The following AGAP1 variants were observed in gnomAD, a reference collection of about 807,000 sequenced individuals.
AGAP1 encodes arf-GAP with GTPase, ANK repeat and PH domain-containing protein 1.
Under a neutral mutation model 105.3 loss-of-function variants are expected in AGAP1, and 29 were observed. That is an observed-to-expected ratio of 0.28 (90% CI 0.21 to 0.38). The LOEUF (loss-of-function observed/expected upper bound fraction) is 0.38, where lower values mean the gene tolerates loss of function less well. AGAP1 is among the 10% of genes least tolerant of loss of function. The probability of loss-of-function intolerance (pLI) is 1.00; values close to 1 mark genes in which losing one functional copy is unlikely to be tolerated. For synonymous variants in AGAP1, 509 were observed against 485.9 expected (o/e 1.05, Z -0.63); for missense variants, 998 against 1,165.1 (o/e 0.86, Z 2.09).
rs1209011420 is a variant in AGAP1 at position 236,012,462 on chromosome 2, G to A, written c.1646-24099G>A. ...AAAAATTAAGCCCATGCCTAATTCT[G>A]CATCATCATGCCTGGGGCCCCTGGT... is the stretch of plus-strand genomic sequence containing the variant. On this transcript the variant is annotated intron_variant, in intron 13 of 17. Transcript: ENST00000304032. The surrounding 1 kb of genome is among the most constrained non-coding windows in gnomAD (Gnocchi z 4.9). Among the ~76,000 whole-genome samples the A allele has an allele frequency of 2.6e-5, 4 of 152,104 alleles. No individual in the cohort carries two copies. The highest frequency in any genetic ancestry group is 5.9e-5 in the Non-Finnish European group (4 of 68,022).
At chr2:235,679,402 G>A (rs185035725) in intron 1 of AGAP1, among the ~76,000 whole-genome samples, 121 of 152,256 alleles carry the variant, frequency 7.9e-4, no homozygotes, top group African/African-American at 2.7e-3. Context: ...ATATCCCGAA[G>A]CTCCAAGTAT....
chr2:236,036,855 ATAAC>A lies in AGAP1; in HGVS notation c.1800+144_1800+147del. ...CTATTCTTTATGAGCAGAAAGCTCA[ATAAC>A]TAAAACGATCAGAAGCACTTTGTGT... On this transcript the variant is annotated intron_variant, in intron 14 of 17. Transcript: ENST00000304032. The surrounding 1 kb of genome is among the most constrained non-coding windows in gnomAD (Gnocchi z 5.7). 7.5e-7 allele frequency: 1 copy of A among 1,334,784 alleles called. No individual in the cohort carries two copies. The highest frequency in any genetic ancestry group is 1.9e-4 in the Middle Eastern group (1 of 5,174). 82.7% of individuals were successfully genotyped at this position (1,334,784 alleles called of 1,614,324 possible).
At position 235,710,772 on chromosome 2, in the gene AGAP1, C is replaced by T. The variant is rs149548898; in HGVS notation, c.222+1535C>T. Among the ~76,000 whole-genome samples, 8 of 152,274 alleles carry T rather than the reference C, an allele frequency of 5.3e-5. No individual in the cohort carries two copies. The East Asian group carries it at 1.4e-3, about 26-fold the overall frequency. The stretch of plus-strand genomic sequence containing the variant: ...CCAGGAGATTCTCAGAACAATCCCG[C>T]AGTTTCCGTTACTTCCTGTTAAGAC... On this transcript the variant is annotated intron_variant, in intron 2 of 17. Coordinates refer to ENST00000304032, the MANE Select transcript of AGAP1 (RefSeq NM_001037131.3).
intron 1 of AGAP1, among the ~76,000 whole-genome samples, chr2:235,575,902 A>G (rs1371061490): frequency 2.6e-5 from 4 of 152,166 alleles, no homozygotes; most frequent in African/African-American, 9.7e-5. Flanking sequence ...CAGATAAGAC[A>G]TTCCCTTCTG....
chr2:235,698,411 A>G (rs1950098920), intron 1 of AGAP1, among the ~76,000 whole-genome samples: 1 of 152,162 alleles, frequency 6.6e-6, no homozygotes, highest in African/African-American at 2.4e-5. Flanking sequence ...AGTAAGACAA[A>G]TAGCTGTCTA....
At position 235,977,507 on chromosome 2, in the gene AGAP1, A is replaced by G. The variant is rs893972807; in HGVS notation, c.1645+8884A>G. 2.0e-4 allele frequency among the ~76,000 whole-genome samples: 30 copies of G among 152,194 alleles called. No homozygotes were observed. The highest frequency in any genetic ancestry group is 7.0e-4 in the African/African-American group (29 of 41,452). ...AGATTGAAATGTTCAGCAGCAAGGT[A>G]TGAGAGGTCCGCATCTCATGCACGA... On this transcript the variant is annotated intron_variant, in intron 13 of 17. Coordinates refer to ENST00000304032, the MANE Select transcript of AGAP1 (RefSeq NM_001037131.3). The surrounding 1 kb of genome is among the most constrained non-coding windows in gnomAD (Gnocchi z 5.2).
rs57069910 is a variant in AGAP1, at chr2:235,721,477, ATGTGTGTGTGTGTG to A, written c.310+3847_310+3860del. Among the ~76,000 whole-genome samples the A allele has an allele frequency of 1.3e-5, 2 of 149,630 alleles. No homozygotes were observed. The highest frequency in any genetic ancestry group is 3.0e-5 in the Non-Finnish European group (2 of 67,362). ...TTGGATTGACAGATTCCTTAATATT[ATGTGTGTGTGTGTG>A]TGTGTGTGTGTGTACACCTAGGTGT... On this transcript the variant is annotated intron_variant, in intron 3 of 17. Transcript: ENST00000304032. This position sits in a 1 kb window ranked among gnomAD's most constrained non-coding sequence, Gnocchi z 4.5.
chr2:235,998,207 T>A (rs2055900334), intron 13 of AGAP1, among the ~76,000 whole-genome samples: 1 of 152,238 alleles, frequency 6.6e-6, no homozygotes, highest in Non-Finnish European at 1.5e-5. Flanking sequence ...TACAATTAAC[T>A]GACTTACCCT....
Position 235,690,138 on chromosome 2 carries a change from C to A in AGAP1, c.164-19041C>A, listed in dbSNP as rs530727348. On this transcript the variant is annotated intron_variant, in intron 1 of 17. Transcript: ENST00000304032. The surrounding 1 kb of genome is among the most constrained non-coding windows in gnomAD (Gnocchi z 4.1). ...TGCTGAGTCCCCAGGTTCCCCTCTCCCCCTACCTGAGGTACTGAGGGATCT... is the reference window on the plus strand; with the variant it reads ...TGCTGAGTCCCCAGGTTCCCCTCTCACCCTACCTGAGGTACTGAGGGATCT... Among the ~76,000 whole-genome samples, 62 of 152,166 alleles carry A rather than the reference C, an allele frequency of 4.1e-4. No homozygotes were observed. Among genetic ancestry groups the A allele is most frequent in the African/African-American group, 1.4e-3 (57 of 41,516 alleles).
intron 9 of AGAP1, among the ~76,000 whole-genome samples, chr2:235,861,168 C>A (rs866146934): frequency 1.4e-4 from 22 of 152,162 alleles, no homozygotes; most frequent in African/African-American, 4.8e-4. Flanking sequence ...GTTCATCATT[C>A]GATTGTCCTG....
intron 9 of AGAP1, among the ~76,000 whole-genome samples, chr2:235,812,434 G>A (rs1958199007): frequency 1.3e-5 from 2 of 152,220 alleles, no homozygotes; most frequent in Non-Finnish European, 2.9e-5. Context: ...AACCTCTGGA[G>A]TTAATCCCCT....
At chr2:235,832,138 C>G (rs79232363) in intron 9 of AGAP1, among the ~76,000 whole-genome samples, 1 of 152,264 alleles carries the variant, frequency 6.6e-6, no homozygotes, top group East Asian at 1.9e-4. Context: ...AGATCTTCTG[C>G]TCATTTTTTA....
At chr2:236,108,128 GTCC>G (rs1022613189) in intron 16 of AGAP1, among the ~76,000 whole-genome samples, 2 of 152,158 alleles carry the variant, frequency 1.3e-5, no homozygotes, top group Non-Finnish European at 2.9e-5. Context: ...GCTGTGCTCC[GTCC>G]CTCCGCCTGA....
At position 236,082,007 on chromosome 2, in the gene AGAP1, C is replaced by T. The variant is rs1175193425; in HGVS notation, c.2114+32726C>T. Among the ~76,000 whole-genome samples the T allele has an allele frequency of 2.0e-5, 3 of 152,092 alleles. No homozygotes were observed. Among genetic ancestry groups the T allele is most frequent in the Admixed American group, 6.5e-5 (1 of 15,268 alleles). Reference sequence around the variant, plus strand: ...ATTTAGAGACAGGAAATATAGCACGCCTAGTCACTAATCCAAAAGGAATGT... The same window carrying T: ...ATTTAGAGACAGGAAATATAGCACGTCTAGTCACTAATCCAAAAGGAATGT... On this transcript the variant is annotated intron_variant, in intron 16 of 17. Coordinates refer to ENST00000304032, the MANE Select transcript of AGAP1 (RefSeq NM_001037131.3). This position sits in a 1 kb window ranked among gnomAD's most constrained non-coding sequence, Gnocchi z 4.2.
intron 1 of AGAP1, among the ~76,000 whole-genome samples, chr2:235,698,280 T>C (rs1950091657): frequency 1.3e-5 from 2 of 152,026 alleles, no homozygotes; most frequent in Non-Finnish European, 2.9e-5. Context: ...TCGCTTTGCT[T>C]GCTCACACGC....
intron 1 of AGAP1, among the ~76,000 whole-genome samples, chr2:235,645,281 A>G (rs1046742271): frequency 6.6e-6 from 1 of 152,232 alleles, no homozygotes; most frequent in East Asian, 1.9e-4. Flanking sequence ...TTAACTCTAC[A>G]TAAAACAAAA....
intron 16 of AGAP1, among the ~76,000 whole-genome samples, chr2:236,112,481 T>C (rs984575657): frequency 2.0e-5 from 3 of 152,076 alleles, no homozygotes; most frequent in Admixed American, 2.0e-4. Context: ...CACATTTTCT[T>C]CTGTAAACAT....
At position 236,061,982 on chromosome 2, in the gene AGAP1, G is replaced by T. The variant is rs559938311; in HGVS notation, c.2114+12701G>T. ...TGCAGGCGTACAGGAACGCATGCTG[G>T]GTGGCGGGGGCCTGGGTGCGGGCCG... On this transcript the variant is annotated intron_variant, in intron 16 of 17. Transcript: ENST00000304032. The surrounding 1 kb of genome is among the most constrained non-coding windows in gnomAD (Gnocchi z 4.1). Among the ~76,000 whole-genome samples, 55 of 152,334 alleles carry T rather than the reference G, an allele frequency of 3.6e-4. No homozygotes were observed. Among genetic ancestry groups the T allele is most frequent in the African/African-American group, 1.3e-3 (54 of 41,580 alleles).
At position 235,602,436 on chromosome 2, in the gene AGAP1, A is replaced by G. The variant is rs367755700; in HGVS notation, c.164-106743A>G. Among the ~76,000 whole-genome samples, 23 of 151,168 alleles carry G rather than the reference A, an allele frequency of 1.5e-4. No homozygotes were observed. The East Asian group carries it at 3.1e-3, about 21-fold the overall frequency. On this transcript the variant is annotated intron_variant, in intron 1 of 17. Coordinates refer to ENST00000304032, the MANE Select transcript of AGAP1 (RefSeq NM_001037131.3). ...CCCTGCTTGGCCTTCTTTCCTCACT[A>G]CCTCTTTGCCCGCCAGGCTCACCCT...
Sources: allele counts gnomAD v4.1 joint callset (sites outside exome capture counted in the v4.1 genomes callset), GRCh38; gene constraint gnomAD v4.1.1; non-coding constraint Gnocchi (gnomAD v3.1); transcripts MANE v1.5; gene names NCBI Gene and HGNC (gene_info 2026-07-23, HGNC 2026-07-21).